MCRIP1: variants seen among roughly 807,000 people sequenced by gnomAD.
MCRIP1 encodes the protein MAPK regulated corepressor interacting protein 1.
MCRIP1 carries 10 observed loss-of-function variants against 14.4 expected under a neutral mutation model. The ratio of observed to expected loss-of-function variants is 0.70; its 90% CI spans 0.43 to 1.18. The LOEUF (loss-of-function observed/expected upper bound fraction) is 1.18, where lower values mean the gene tolerates loss of function less well. Among genes scored for constraint, MCRIP1 ranks in the 50% most tolerant of loss-of-function variants. MCRIP1 has a pLI of 0.00. For synonymous variants in MCRIP1, 53 were observed against 55.7 expected (o/e 0.95, Z 0.21); for missense variants, 119 against 135.4 (o/e 0.88, Z 0.60).
chr17:81,833,048 C>G (rs527816661), intron 1 of MCRIP1, among the ~76,000 whole-genome samples, 190 bp downstream of exon 1: 2 of 150,630 alleles, frequency 1.3e-5, no homozygotes, highest in African/African-American at 4.8e-5. Context: ...GCGGGCCGCG[C>G]CCTCCTGCAG....
chr17:81,822,925 A>G lies in MCRIP1; in HGVS notation c.*322T>C. 1 of 505,188 alleles carries G rather than the reference A, an allele frequency of 2.0e-6. No homozygotes were observed. The highest frequency in any genetic ancestry group is 3.6e-6 in the Non-Finnish European group (1 of 279,364). The allele number at this position is 505,188 out of a possible 1,614,324, so 31.3% of individuals were successfully genotyped here. Reference sequence around the variant, plus strand: ...TCCTGATCCTGCAGTGGCCAGGGGCAGGAGGGTGAGGGGAGAGGAGAGAGG... The same window carrying G: ...TCCTGATCCTGCAGTGGCCAGGGGCGGGAGGGTGAGGGGAGAGGAGAGAGG... On this transcript the variant is annotated 3_prime_UTR_variant, in exon 5 of 5. Transcript: ENST00000455127.
At chr17:81,825,038 T>G in intron 1 of MCRIP1, 1 of 1,014,968 alleles carries the variant, frequency 9.9e-7, no homozygotes, top group Admixed American at 5.2e-5. Flanking sequence ...TTGATTTCCT[T>G]TCTGTAAAAC....
chr17:81,826,416 C>T (rs1355087228), intron 1 of MCRIP1: 3 of 1,521,396 alleles, frequency 2.0e-6, no homozygotes, highest in Non-Finnish European at 2.6e-6. Context: ...CCCAGCTACT[C>T]AGAGGCTGGG....
intron 1 of MCRIP1, among the ~76,000 whole-genome samples, chr17:81,829,473 C>T (rs149111520): frequency 5.4e-4 from 83 of 152,380 alleles, no homozygotes; most frequent in African/African-American, 2.0e-3. Context: ...GCCACGGCCC[C>T]GTACTCCTCA....
At chr17:81,825,908 C>T (rs2038381930) in intron 1 of MCRIP1, 2 of 1,293,010 alleles carry the variant, frequency 1.5e-6, no homozygotes, top group African/African-American at 3.0e-5. Context: ...GACATGCTGC[C>T]TGCTGGGAAG....
At chr17:81,832,499 A>G (rs929818169) in intron 1 of MCRIP1, among the ~76,000 whole-genome samples, 1 of 151,960 alleles carries the variant, frequency 6.6e-6, no homozygotes, top group Non-Finnish European at 1.5e-5. Context: ...GCCACATCCC[A>G]CCCAAAGTCC....
intron 1 of MCRIP1, 159 bp from the exon 2 acceptor site, chr17:81,824,713 C>T: frequency 2.1e-6 from 3 of 1,450,236 alleles, no homozygotes; most frequent in Non-Finnish European, 2.7e-6. Context: ...GGGGTCCAGC[C>T]ACAGGCAGCC....
At position 81,824,585 on chromosome 17, in the gene MCRIP1, G is replaced by T. The variant is rs747684140; in HGVS notation, c.-48-31C>A. The T allele has an allele frequency of 6.5e-6, 10 of 1,535,628 alleles. No homozygotes were observed. In the African/African-American group the frequency reaches 1.4e-4, roughly 21 times the overall value. ...ACAGAAGCCAGCGCAGGCATGGGAC[G>T]CAGGGCCACCCTCTCCAGCACAGAA... is the stretch of plus-strand genomic sequence containing the variant. On this transcript the variant is annotated intron_variant, in intron 1 of 4. Transcript: ENST00000455127.
rs1046223466 is a variant in MCRIP1, at chr17:81,824,795, G to A, written c.-48-241C>T. 109 of 1,409,972 alleles carry A rather than the reference G, an allele frequency of 7.7e-5. 1 individual carries two copies. The Admixed American group carries it at 3.2e-3, about 41-fold the overall frequency. The allele number at this position is 1,409,972 out of a possible 1,614,324, so 87.3% of individuals were successfully genotyped here. On this transcript the variant is annotated intron_variant, in intron 1 of 4. Coordinates refer to ENST00000455127, the MANE Select transcript of MCRIP1 (RefSeq NM_207368.5). ...GAGCCAGACACACACACAACTTGAAGCGATCAAGCCCGCTCAGCGGCCTTG... is the reference window on the plus strand; with the variant it reads ...GAGCCAGACACACACACAACTTGAAACGATCAAGCCCGCTCAGCGGCCTTG...
chr17:81,825,125 A>G, intron 1 of MCRIP1: 1 of 1,022,892 alleles, frequency 9.8e-7, no homozygotes, highest in Non-Finnish European at 1.2e-6. Flanking sequence ...CTAGAGCATG[A>G]GCCACATCAG....
At chr17:81,827,399 G>A (rs1380291080) in intron 1 of MCRIP1, among the ~76,000 whole-genome samples, 1 of 151,650 alleles carries the variant, frequency 6.6e-6, no homozygotes, top group East Asian at 2.0e-4. Flanking sequence ...AGCCTCCCAA[G>A]TGGCTGGGAC....
chr17:81,826,459 G>GA, intron 1 of MCRIP1: 1 of 1,278,806 alleles, frequency 7.8e-7, no homozygotes, highest in South Asian at 1.3e-5. Flanking sequence ...GGAGGTCAAG[G>GA]CTGCAGGGAG....
At chr17:81,828,505 T>A (rs903534556) in intron 1 of MCRIP1, among the ~76,000 whole-genome samples, 1 of 151,954 alleles carries the variant, frequency 6.6e-6, no homozygotes, top group Non-Finnish European at 1.5e-5. Context: ...TGCTCCTAGG[T>A]ACACACACCC....
chr17:81,825,784 C>G lies in MCRIP1; in HGVS notation c.-48-1230G>C, dbSNP rs974672682. On this transcript the variant is annotated intron_variant, in intron 1 of 4. Transcript: ENST00000455127. ...AGCACCCAGTTTGCTCACAAAGTCA[C>G]CTCTCCTTTCTTGGACTCTGGGGTC... 4 of 1,289,332 alleles carry G rather than the reference C, an allele frequency of 3.1e-6. No individual in the cohort carries two copies. The African/African-American group carries it at 6.1e-5, about 20-fold the overall frequency. The allele number at this position is 1,289,332 out of a possible 1,614,324, so 79.9% of individuals were successfully genotyped here.
intron 1 of MCRIP1, chr17:81,826,692 A>ATG (rs1567825897): frequency 2.8e-5 from 10 of 353,066 alleles, no homozygotes; most frequent in Admixed American, 2.7e-4. Context: ...GGTGGCAGGC[A>ATG]CCCGTAATCC....
At chr17:81,831,173 CAA>C (rs552681742) in intron 1 of MCRIP1, among the ~76,000 whole-genome samples, 40 of 113,980 alleles carry the variant, frequency 3.5e-4, no homozygotes, top group African/African-American at 7.7e-4. Flanking sequence ...CTCTGTCTCT[CAA>C]AAAAAAAAAA....
intron 1 of MCRIP1, among the ~76,000 whole-genome samples, chr17:81,830,562 G>T (rs1004890968): frequency 6.6e-6 from 1 of 151,714 alleles, no homozygotes; most frequent in African/African-American, 2.4e-5. Flanking sequence ...GCTTGAACCC[G>T]GGAGGCAGAG....
rs1420638219 is a variant in MCRIP1, at chr17:81,824,141, T to G, written c.127+146A>C. 3.1e-5 allele frequency: 22 copies of G among 712,052 alleles called. No individual in the cohort carries two copies. The East Asian group carries it at 6.0e-4, about 19-fold the overall frequency. 44.1% of individuals were successfully genotyped at this position (712,052 alleles called of 1,614,324 possible). A position where few individuals can be genotyped will look rare whatever the true frequency, so the allele number is the denominator to read the frequency against. ...CCCTACCCGCCTGGGCCCTGAAGGC[T>G]GTGGACACAGTGATGGGGCTATCTG... On this transcript the variant is annotated intron_variant, in intron 3 of 4. Transcript: ENST00000455127.
chr17:81,827,591 A>G (rs531910305), intron 1 of MCRIP1, among the ~76,000 whole-genome samples: 1 of 151,218 alleles, frequency 6.6e-6, no homozygotes, highest in South Asian at 2.1e-4. Context: ...CATTTCTACA[A>G]AAATATAAAA....
Sources: gnomAD v4.1 joint callset for allele counts (sites outside exome capture counted in the v4.1 genomes callset) on GRCh38, gnomAD v4.1.1 for gene constraint, MANE v1.5 for transcripts, NCBI Gene and HGNC (gene_info 2026-07-23, HGNC 2026-07-21) for gene names.